Variants in MACROD1 observed in about 807,000 individuals in gnomAD.
MACROD1 encodes mono-ADP ribosylhydrolase 1.
MACROD1 carries 31 observed loss-of-function variants against 41.4 expected under a neutral mutation model. The ratio of observed to expected loss-of-function variants is 0.75; its 90% CI spans 0.56 to 1.01. The LOEUF (loss-of-function observed/expected upper bound fraction) is 1.01, where lower values mean the gene tolerates loss of function less well. MACROD1 is among the 50% of genes least tolerant of loss of function. The probability of loss-of-function intolerance (pLI) is 0.00; values close to 1 mark genes in which losing one functional copy is unlikely to be tolerated. For missense variants in MACROD1, 473 were observed against 460.0 expected, an observed-to-expected ratio of 1.03 and a Z score of -0.26; for synonymous variants, 252 against 203.4, an observed-to-expected ratio of 1.24 and a Z score of -2.03.
At position 64,165,756 on chromosome 11, in the gene MACROD1, G is replaced by C; in HGVS notation, c.239C>G (p.Pro80Arg). 6.7e-7 allele frequency: 1 copy of C among 1,499,746 alleles called. No individual in the cohort carries two copies. Among genetic ancestry groups the C allele is most frequent in the Non-Finnish European group, 8.9e-7 (1 of 1,129,474 alleles). 92.9% of individuals were successfully genotyped at this position (1,499,746 alleles called of 1,614,324 possible). A position where few individuals can be genotyped will look rare whatever the true frequency, so the allele number is the denominator to read the frequency against. ...GTCCACCTTCGCCGCCATGGCCAGG[G>C]GGGCCCAAGTGCGCACCCCGGCTGT... Reference protein sequence around the residue: ...GRTAGVRTWAPLAMAAKVDLS... With the variant: ...GRTAGVRTWARLAMAAKVDLS... The change falls in exon 1 of 11, where the codon CCC becomes CGC. Residue 80 changes from proline (P) to arginine (R), a missense_variant. Pro to Arg is a moderately radical substitution (Grantham distance 103). Transcript: ENST00000255681.
chr11:64,148,951 T>C, intron 3 of MACROD1: 2 of 985,326 alleles, frequency 2.0e-6, no homozygotes, highest in Non-Finnish European at 2.4e-6. Flanking sequence ...ACTCGGGCTC[T>C]GTGTGGGAAG....
At chr11:64,143,753 T>TATAC (rs1358778255) in intron 3 of MACROD1, among the ~76,000 whole-genome samples, 1 of 101,616 alleles carries the variant, frequency 9.8e-6, no homozygotes, top group Non-Finnish European at 1.9e-5. Flanking sequence ...GACACACACA[T>TATAC]ACACACACAC....
At chr11:64,111,905 A>G (rs1382742043) in intron 3 of MACROD1, among the ~76,000 whole-genome samples, 1 of 152,116 alleles carries the variant, frequency 6.6e-6, no homozygotes, top group East Asian at 1.9e-4. Flanking sequence ...CATCTCCATG[A>G]AGGTCTGAGA....
intron 3 of MACROD1, chr11:64,035,944 G>A (rs554833885): frequency 6.8e-6 from 1 of 147,080 alleles, no homozygotes; most frequent in African/African-American, 2.5e-5. Flanking sequence ...CTCCTCCCGC[G>A]GCTCCGCCGG....
At position 64,075,201 on chromosome 11, in the gene MACROD1, C is replaced by T. The variant is rs117375367; in HGVS notation, c.518-59920G>A. Among the ~76,000 whole-genome samples, 506 of 152,354 alleles carry T rather than the reference C, an allele frequency of 3.3e-3. 1 individual carries two copies. The highest frequency in any genetic ancestry group is 0.014 in the Middle Eastern group (4 of 294). On this transcript the variant is annotated intron_variant, in intron 3 of 10. Coordinates refer to ENST00000255681, the MANE Select transcript of MACROD1 (RefSeq NM_014067.4). ...GAGGGTCTGAGGCCATGAGCCTGGA[C>T]CATTCTGATCCACATGCCAGCTCCA...
At chr11:64,145,408 C>T (rs1385813354) in intron 3 of MACROD1, among the ~76,000 whole-genome samples, 1 of 152,154 alleles carries the variant, frequency 6.6e-6, no homozygotes, top group Non-Finnish European at 1.5e-5. Flanking sequence ...TAGTAGCTCT[C>T]GCTCCTGACT....
intron 2 of MACROD1, among the ~76,000 whole-genome samples, chr11:64,152,059 G>A (rs1455501995): frequency 6.6e-6 from 1 of 152,212 alleles, no homozygotes; most frequent in East Asian, 1.9e-4. Context: ...AACCCGGGAG[G>A]TGGAGGTTGC....
At chr11:64,025,733 T>TG (rs1943216264) in intron 3 of MACROD1, among the ~76,000 whole-genome samples, 2 of 151,390 alleles carry the variant, frequency 1.3e-5, no homozygotes, top group South Asian at 4.2e-4. Context: ...TTTTTTTTTT[T>TG]TTCAGACGGT....
chr11:64,054,821 C>T (rs1487453312), intron 3 of MACROD1, among the ~76,000 whole-genome samples: 2 of 152,072 alleles, frequency 1.3e-5, no homozygotes, highest in African/African-American at 2.4e-5. Flanking sequence ...AGTGGCCACC[C>T]CTTCCTTGGG....
At chr11:64,065,209 G>C in intron 3 of MACROD1, among the ~76,000 whole-genome samples, 1 of 152,206 alleles carries the variant, frequency 6.6e-6, no homozygotes, top group Non-Finnish European at 1.5e-5. Flanking sequence ...TGGGGTCAGA[G>C]AGGCCCAGAG....
At chr11:64,085,099 T>A (rs967915583) in intron 3 of MACROD1, among the ~76,000 whole-genome samples, 1 of 152,114 alleles carries the variant, frequency 6.6e-6, no homozygotes, top group Non-Finnish European at 1.5e-5. Context: ...TATCAGTAGG[T>A]TTCAAGCCCA....
chr11:64,017,828 G>A (rs1943102239), intron 3 of MACROD1, among the ~76,000 whole-genome samples: 1 of 152,038 alleles, frequency 6.6e-6, no homozygotes, highest in African/African-American at 2.4e-5. Context: ...GGCCACAAAT[G>A]AGCTGGCTCC....
At chr11:64,072,187 G>A (rs1944121854) in intron 3 of MACROD1, among the ~76,000 whole-genome samples, 1 of 152,132 alleles carries the variant, frequency 6.6e-6, no homozygotes, top group African/African-American at 2.4e-5. Flanking sequence ...CTTGGGGGTC[G>A]GGAGCAGGGT....
intron 3 of MACROD1, among the ~76,000 whole-genome samples, chr11:64,097,535 C>T (rs896393746): frequency 2.0e-5 from 3 of 152,250 alleles, no homozygotes; most frequent in Non-Finnish European, 2.9e-5. Context: ...GCCCGCCGGC[C>T]GGGCGGCACA....
At position 64,014,532 on chromosome 11, in the gene MACROD1, CT is replaced by C. The variant is rs574690948; in HGVS notation, c.547+719del. ...CCGACGGCACATTAACCCCTGGCCCCTAGCTCACCAATCATCCTGCTGCCTG... is the reference window on the plus strand; with the variant it reads ...CCGACGGCACATTAACCCCTGGCCCCAGCTCACCAATCATCCTGCTGCCTG... On this transcript the variant is annotated intron_variant, in intron 4 of 10. Coordinates refer to ENST00000255681, the MANE Select transcript of MACROD1 (RefSeq NM_014067.4). Among the ~76,000 whole-genome samples the C allele has an allele frequency of 8.0e-4, 122 of 152,390 alleles. 1 individual carries two copies. The South Asian group carries it at 0.021, about 27-fold the overall frequency.
chr11:64,116,314 CCACTGT>C, intron 3 of MACROD1: 1 of 1,608,634 alleles, frequency 6.2e-7, no homozygotes. Context: ...ACGCCCACTG[CCACTGT>C]CACGGCCACC....
chr11:64,026,739 T>C (rs748884816), intron 3 of MACROD1, among the ~76,000 whole-genome samples: 23 of 152,144 alleles, frequency 1.5e-4, no homozygotes, highest in Non-Finnish European at 3.2e-4. Flanking sequence ...CTCTTTTCTC[T>C]TCCTTCAATA....
At chr11:64,050,839 G>A (rs543383073) in intron 3 of MACROD1, among the ~76,000 whole-genome samples, 2 of 152,312 alleles carry the variant, frequency 1.3e-5, no homozygotes, top group South Asian at 2.1e-4. Flanking sequence ...GGCTGGTCTC[G>A]AACTCCTGAC....
intron 3 of MACROD1, among the ~76,000 whole-genome samples, chr11:64,089,172 C>T (rs961449481): frequency 1.3e-5 from 2 of 152,132 alleles, no homozygotes; most frequent in South Asian, 2.1e-4. Context: ...CAGGGCGGGT[C>T]GGGGAGTGAT....
Sources: gnomAD v4.1 joint callset for allele counts (sites outside exome capture counted in the v4.1 genomes callset) on GRCh38, gnomAD v4.1.1 for gene constraint, MANE v1.5 for transcripts, NCBI Gene and HGNC (gene_info 2026-07-23, HGNC 2026-07-21) for gene names.